The following RNF144A variants were observed in gnomAD, a reference collection of about 807,000 sequenced individuals.
RNF144A encodes ring finger protein 144A.
In RNF144A, 11 loss-of-function variants were observed where a neutral mutation model predicts 38.7. The observed-to-expected ratio is 0.28, with a 90% CI of 0.18 to 0.47. RNF144A has a LOEUF of 0.47. Among genes scored for constraint, RNF144A ranks in the 20% least tolerant of loss-of-function variants. The pLI, the probability that RNF144A is intolerant of heterozygous loss-of-function variation, is 0.99. For missense variants in RNF144A, 316 were observed against 377.2 expected (o/e 0.84, Z 1.34); for synonymous variants, 149 against 143.9 (o/e 1.04, Z -0.25).
At chr2:7,076,151 C>A in the RNF144A span, among the ~76,000 whole-genome samples, 2 of 152,148 alleles carry the variant, frequency 1.3e-5, no homozygotes, top group Non-Finnish European at 2.9e-5. Context: ...CAAGCCCTTT[C>A]CCTAGGGCTT....
At chr2:6,987,863 C>CT (rs1184032886) in intron 2 of RNF144A, among the ~76,000 whole-genome samples, 4 of 152,130 alleles carry the variant, frequency 2.6e-5, no homozygotes, top group African/African-American at 7.2e-5. Context: ...AGCTTTCTTT[C>CT]TTTTTTTGTA....
Position 7,041,174 on chromosome 2 carries a change from C to T in RNF144A, c.*1414C>T, listed in dbSNP as rs950425701. ...GTGGGATTTTAAAAATCTTGTTAAA[C>T]ATTCTATAAAGAAGTAAAACAAAAT... On this transcript the variant is annotated 3_prime_UTR_variant, in exon 9 of 9. Coordinates refer to ENST00000320892, the MANE Select transcript of RNF144A (RefSeq NM_014746.6). The T allele has an allele frequency of 1.0e-6, 1 of 982,034 alleles. No individual in the cohort carries two copies. The highest frequency in any genetic ancestry group is 1.2e-6 in the Non-Finnish European group (1 of 826,902). The allele number at this position is 982,034 out of a possible 1,614,324, so 60.8% of individuals were successfully genotyped here. A position where few individuals can be genotyped will look rare whatever the true frequency, so the allele number is the denominator to read the frequency against.
the RNF144A span, among the ~76,000 whole-genome samples, chr2:7,075,372 G>A: frequency 6.6e-6 from 1 of 151,882 alleles, no homozygotes; most frequent in African/African-American, 2.4e-5. Context: ...TAAAGTGTTA[G>A]CATTTTTATG....
intron 1 of RNF144A, among the ~76,000 whole-genome samples, chr2:6,925,524 T>A (rs1415477307): frequency 6.6e-6 from 1 of 152,246 alleles, no homozygotes. Flanking sequence ...TGGCCAGATA[T>A]GAGAGTAAGA....
In RNF144A at chr2:7,030,143, A is replaced by C; in HGVS notation, c.675A>C (p.Ile225=). The C allele has an allele frequency of 6.2e-7, 1 of 1,613,822 alleles. No homozygotes were observed. Among genetic ancestry groups the C allele is most frequent in the Non-Finnish European group, 8.5e-7 (1 of 1,179,734 alleles). ...LESLDDDFLL[I]HYDKGPCRNK... ...CCTCACAGGATGATTTCCTTCTGAT[A>C]CACTACGATAAGGGACCCTGCCGGA... The change falls in exon 8 of 9, where the codon ATA becomes ATC. Residue 225 remains isoleucine, a synonymous_variant. Coordinates refer to ENST00000320892, the MANE Select transcript of RNF144A (RefSeq NM_014746.6).
intron 3 of RNF144A, among the ~76,000 whole-genome samples, chr2:7,009,678 C>A (rs113270436): frequency 3.8e-4 from 58 of 152,316 alleles, no homozygotes; most frequent in African/African-American, 1.3e-3. Context: ...TGCAGGTTCC[C>A]AGGGCCATCC....
chr2:7,038,153 G>A (rs1461041329), intron 8 of RNF144A, among the ~76,000 whole-genome samples: 1 of 152,228 alleles, frequency 6.6e-6, no homozygotes, highest in African/African-American at 2.4e-5. Context: ...GTCAGTATTG[G>A]GCTTTAGACT....
chr2:6,985,254 C>A lies in RNF144A; in HGVS notation c.-11-11662C>A, dbSNP rs575078758. Among the ~76,000 whole-genome samples, 219 of 140,806 alleles carry A rather than the reference C, an allele frequency of 1.6e-3. 1 individual carries two copies. The highest frequency in any genetic ancestry group is 5.3e-3 in the African/African-American group (201 of 38,000). The allele number at this position is 140,806 out of a possible 152,430, so 92.4% of individuals were successfully genotyped here. ...TAGTGTCATTTTGCATGTTTTAATTCATCTCCCTCCCCCCTCTTTTTTTTT... is the reference window on the plus strand; with the variant it reads ...TAGTGTCATTTTGCATGTTTTAATTAATCTCCCTCCCCCCTCTTTTTTTTT... On this transcript the variant is annotated intron_variant, in intron 2 of 8. Transcript: ENST00000320892.
At chr2:7,056,131 G>T (rs2103476298) in intron 6 of RNF144A, among the ~76,000 whole-genome samples, 2 of 152,230 alleles carry the variant, frequency 1.3e-5, no homozygotes, top group South Asian at 4.2e-4. Flanking sequence ...TGTGGTCTTG[G>T]TTCTCTTACA....
At chr2:7,009,816 T>C (rs1670677759) in intron 3 of RNF144A, among the ~76,000 whole-genome samples, 1 of 152,152 alleles carries the variant, frequency 6.6e-6, no homozygotes, top group Non-Finnish European at 1.5e-5. Flanking sequence ...TGTATGGCCC[T>C]GCGGTGGTGG....
chr2:6,991,329 A>G (rs1242658103), intron 2 of RNF144A, among the ~76,000 whole-genome samples: 4 of 152,188 alleles, frequency 2.6e-5, no homozygotes, highest in Non-Finnish European at 4.4e-5. Context: ...TTTACAGCCA[A>G]CTTTCTACTC....
intron 2 of RNF144A, among the ~76,000 whole-genome samples, chr2:6,942,876 C>G (rs563399764): frequency 9.2e-5 from 14 of 152,192 alleles, no homozygotes; most frequent in Admixed American, 9.2e-4. Flanking sequence ...TCCAGCTACT[C>G]GGGAGGCTGA....
At chr2:6,967,364 G>T (rs1667733694) in intron 2 of RNF144A, among the ~76,000 whole-genome samples, 1 of 152,240 alleles carries the variant, frequency 6.6e-6, no homozygotes, top group South Asian at 2.1e-4. Context: ...TTCCCTTGGG[G>T]CGTGTGAGCA....
chr2:6,969,403 G>T (rs1318588460), intron 2 of RNF144A, among the ~76,000 whole-genome samples: 2 of 152,142 alleles, frequency 1.3e-5, no homozygotes, highest in Admixed American at 6.6e-5. Flanking sequence ...AGAGAAGACG[G>T]CCACCGACAA....
intron 2 of RNF144A, among the ~76,000 whole-genome samples, chr2:6,963,361 C>T (rs755751796): frequency 1.3e-5 from 2 of 152,194 alleles, no homozygotes; most frequent in African/African-American, 2.4e-5. Context: ...GTGTTGGCTC[C>T]ATCCTGTTCC....
At chr2:6,925,184 T>C (rs1247189274) in intron 1 of RNF144A, among the ~76,000 whole-genome samples, 1 of 152,152 alleles carries the variant, frequency 6.6e-6, no homozygotes, top group Non-Finnish European at 1.5e-5. Flanking sequence ...TCTAACCACT[T>C]GGCAGAAGTA....
intron 6 of RNF144A, among the ~76,000 whole-genome samples, chr2:7,062,497 T>TA (rs70942688): frequency 0.099 from 11,182 of 113,310 alleles, 964 homozygotes; most frequent in East Asian, 0.42. Flanking sequence ...TGCTGGGTGC[T>TA]AAAAAAAAAA....
rs1277994707 is a variant in RNF144A, at chr2:7,052,637, G to A, written c.735-15579G>A. ...CATGCATCCACCCAGGCTCCCCAGG[G>A]ACTCTTGCAGTCTGTCCCCAGTCCT... On this transcript the variant is annotated intron_variant, in intron 6 of 6. Transcript: ENST00000432850. 2.0e-5 allele frequency among the ~76,000 whole-genome samples: 3 copies of A among 152,224 alleles called. No individual in the cohort carries two copies. In the East Asian group the frequency reaches 5.8e-4, roughly 29 times the overall value.
intron 3 of RNF144A, among the ~76,000 whole-genome samples, chr2:7,012,643 G>C (rs187678703): frequency 6.6e-6 from 1 of 152,206 alleles, no homozygotes; most frequent in African/African-American, 2.4e-5. Flanking sequence ...ACACGTCTGC[G>C]GATGGTTCCC....
Sources: allele counts gnomAD v4.1 joint callset (sites outside exome capture counted in the v4.1 genomes callset), GRCh38; gene constraint gnomAD v4.1.1; transcripts MANE v1.5; gene names NCBI Gene and HGNC (gene_info 2026-07-23, HGNC 2026-07-21).